Variants in USP15 observed in about 807,000 individuals in gnomAD.
USP15 encodes ubiquitin carboxyl-terminal hydrolase 15.
A neutral mutation model predicts 127.1 loss-of-function variants in USP15; 18 were observed. That is an observed-to-expected ratio of 0.14 (90% CI 0.10 to 0.21). The LOEUF (loss-of-function observed/expected upper bound fraction) is 0.21, where lower values mean the gene tolerates loss of function less well. USP15 is among the 10% of genes least tolerant of loss of function. USP15 has a pLI of 1.00. For synonymous variants in USP15, 364 were observed against 393.7 expected (o/e 0.92, Z 0.89); for missense variants, 805 against 1,159.9 (o/e 0.69, Z 4.44).
chr12:62,367,199 C>A (rs1389365638), intron 8 of USP15, among the ~76,000 whole-genome samples: 1 of 151,808 alleles, frequency 6.6e-6, no homozygotes, highest in Non-Finnish European at 1.5e-5. Flanking sequence ...TTAATTACTG[C>A]CTTGATTTCG....
chr12:62,261,549 C>T (rs970700798), intron 1 of USP15, among the ~76,000 whole-genome samples: 11 of 152,156 alleles, frequency 7.2e-5, no homozygotes, highest in African/African-American at 2.7e-4. Flanking sequence ...GTCACAGTTT[C>T]ACCACTCAAC....
chr12:62,291,449 C>T (rs1224431215), intron 1 of USP15, among the ~76,000 whole-genome samples: 1 of 152,080 alleles, frequency 6.6e-6, no homozygotes. Flanking sequence ...GTTGGTTTTT[C>T]ACATTTTCCA....
intron 1 of USP15, among the ~76,000 whole-genome samples, chr12:62,267,676 A>G (rs1486264140): frequency 1.3e-5 from 2 of 152,168 alleles, no homozygotes; most frequent in Admixed American, 1.3e-4. Flanking sequence ...ATCATTTAGC[A>G]GAAGTACCAG....
chr12:62,403,198 T>C (rs757854290), intron 21 of USP15, among the ~76,000 whole-genome samples: 11 of 151,982 alleles, frequency 7.2e-5, no homozygotes, highest in African/African-American at 1.2e-4. Context: ...TACATTTGAG[T>C]TGTCAGCCTC....
At chr12:62,316,904 A>T (rs1309546549) in intron 4 of USP15, among the ~76,000 whole-genome samples, 1 of 152,124 alleles carries the variant, frequency 6.6e-6, no homozygotes, top group Admixed American at 6.5e-5. Flanking sequence ...CAACATATAT[A>T]CTAATACTTT....
chr12:62,385,121 A>T (rs1312080646), intron 11 of USP15, among the ~76,000 whole-genome samples: 1 of 151,964 alleles, frequency 6.6e-6, no homozygotes, highest in African/African-American at 2.4e-5. Flanking sequence ...TTGAAGACAG[A>T]GACCTTGTAA....
chr12:62,298,777 C>T (rs1463974265), intron 2 of USP15, among the ~76,000 whole-genome samples: 2 of 145,092 alleles, frequency 1.4e-5, no homozygotes, highest in African/African-American at 2.6e-5. Context: ...TGTATGGAGC[C>T]GAGATTGTAC....
chr12:62,369,441 T>C (rs913340912), intron 8 of USP15, among the ~76,000 whole-genome samples: 4 of 151,532 alleles, frequency 2.6e-5, no homozygotes, highest in Non-Finnish European at 4.4e-5. Flanking sequence ...TAAAAACATA[T>C]TGGAATCCTT....
In USP15 at chr12:62,340,455, C is replaced by T. The variant is rs11533665; in HGVS notation, c.684-8766C>T. 2.5e-4 allele frequency among the ~76,000 whole-genome samples: 38 copies of T among 152,168 alleles called. No individual in the cohort carries two copies. The East Asian group carries it at 6.6e-3, about 26-fold the overall frequency. ...CTTTTGAATTTGTTTGCTCTTCCTT[C>T]TTTAGTTCTTTTAATTGTGATATTA... is the stretch of plus-strand genomic sequence containing the variant. On this transcript the variant is annotated intron_variant, in intron 6 of 21. Coordinates refer to ENST00000280377, the MANE Select transcript of USP15 (RefSeq NM_001252078.2).
intron 6 of USP15, among the ~76,000 whole-genome samples, chr12:62,346,935 C>T (rs2065835699): frequency 6.6e-6 from 1 of 152,118 alleles, no homozygotes; most frequent in Non-Finnish European, 1.5e-5. Context: ...TCTTTTACTT[C>T]CCACCTATCC....
chr12:62,374,923 G>T lies in USP15; in HGVS notation c.916-6567G>T, dbSNP rs149310003. Among the ~76,000 whole-genome samples, 171 of 152,164 alleles carry T rather than the reference G, an allele frequency of 1.1e-3. 3 individuals carry two copies. In the East Asian group the frequency reaches 0.026, roughly 23 times the overall value. On this transcript the variant is annotated intron_variant, in intron 8 of 21. Transcript: ENST00000280377. ...ATTTTGCATAATATTTCAGTTTTAG[G>T]ATATTAGGTTAAGGAAGGGTATTTA...
intron 8 of USP15, among the ~76,000 whole-genome samples, chr12:62,371,765 C>T (rs2066677198): frequency 6.6e-6 from 1 of 152,082 alleles, no homozygotes; most frequent in South Asian, 2.1e-4. Context: ...AAATTATCTT[C>T]CATATAGATT....
rs575462210 is a variant in USP15 at position 62,297,541 on chromosome 12, A to G, written c.217+3235A>G. Among the ~76,000 whole-genome samples the G allele has an allele frequency of 6.7e-5, 10 of 148,574 alleles. No individual in the cohort carries two copies. In the East Asian group the frequency reaches 1.9e-3, roughly 29 times the overall value. On this transcript the variant is annotated intron_variant, in intron 2 of 21. Transcript: ENST00000280377. ...TATGATGTAAGATACCAGAAGGAGG[A>G]AGAGATTATGGGTTTCTGAAAAAAA...
At chr12:62,363,469 G>A (rs11174443) in intron 8 of USP15, among the ~76,000 whole-genome samples, 9,551 of 152,010 alleles carry the variant, frequency 0.063, 395 homozygotes, top group Middle Eastern at 0.092. Flanking sequence ...TACCTGTAAT[G>A]TTCTTCCTCT....
intron 4 of USP15, among the ~76,000 whole-genome samples, chr12:62,321,090 AT>A (rs2064973857): frequency 6.6e-6 from 1 of 152,148 alleles, no homozygotes; most frequent in African/African-American, 2.4e-5. Flanking sequence ...ACTAAAAAAA[AT>A]CTGTAACATC....
chr12:62,403,448 T>G (rs1476596917), intron 21 of USP15, among the ~76,000 whole-genome samples: 1 of 152,072 alleles, frequency 6.6e-6, no homozygotes. Context: ...ACTGAGAGAT[T>G]GACCAAAAGA....
intron 11 of USP15, 132 bp downstream of exon 11, chr12:62,384,434 AT>A: frequency 1.3e-6 from 1 of 746,992 alleles, no homozygotes; most frequent in Non-Finnish European, 2.0e-6. Context: ...AATAATGTTT[AT>A]TTGTATAAGA....
chr12:62,326,184 C>T (rs1036302533), intron 6 of USP15, among the ~76,000 whole-genome samples: 3 of 152,056 alleles, frequency 2.0e-5, no homozygotes, highest in African/African-American at 7.2e-5. Context: ...GAGAAAGTTG[C>T]GTTGTCTGAT....
intron 19 of USP15, among the ~76,000 whole-genome samples, chr12:62,394,906 T>C (rs2067439694): frequency 6.6e-6 from 1 of 151,462 alleles, no homozygotes; most frequent in South Asian, 2.1e-4. Context: ...ATCAGAGATG[T>C]ATTTAAAATT....
Sources: allele counts gnomAD v4.1 joint callset (sites outside exome capture counted in the v4.1 genomes callset), GRCh38; gene constraint gnomAD v4.1.1; transcripts MANE v1.5; gene names NCBI Gene and HGNC (gene_info 2026-07-23, HGNC 2026-07-21).